HTR4: variants seen among roughly 807,000 people sequenced by gnomAD.
HTR4 encodes the protein 5-hydroxytryptamine (serotonin) receptor 4, G protein-coupled.
HTR4 carries 16 observed loss-of-function variants against 36.8 expected under a neutral mutation model. The observed-to-expected ratio is 0.43, with a 90% CI of 0.29 to 0.66. The LOEUF (loss-of-function observed/expected upper bound fraction) is 0.66. Ranked by LOEUF, HTR4 falls within the 30% of genes least tolerant of loss-of-function variation. The pLI, the probability that HTR4 is intolerant of heterozygous loss-of-function variation, is 0.13. For synonymous variants in HTR4, 189 were observed against 185.1 expected, an observed-to-expected ratio of 1.02 and a Z score of -0.17; for missense variants, 438 against 490.9, an observed-to-expected ratio of 0.89 and a Z score of 1.02.
intron 1 of HTR4, chr5:148,645,098 A>G (rs1753841876): frequency 6.6e-6 from 1 of 152,232 alleles, no homozygotes. Flanking sequence ...GAAAAATGTC[A>G]CACAGTTAAT....
chr5:148,465,727 A>G (rs1415665487), intron 5 of HTR4: 2 of 1,307,446 alleles, frequency 1.5e-6, no homozygotes, highest in African/African-American at 3.0e-5. Context: ...CTGTGCCAAC[A>G]ATTGTGCACC....
intron 5 of HTR4, 95 bp downstream of exon 5, chr5:148,523,098 T>C: frequency 8.3e-7 from 1 of 1,205,424 alleles, no homozygotes; most frequent in Non-Finnish European, 1.2e-6. Flanking sequence ...ACTATCAGAT[T>C]CTTAGAATAC....
chr5:148,520,886 C>CT (rs757511570), intron 5 of HTR4: 2 of 1,367,546 alleles, frequency 1.5e-6, no homozygotes, highest in Admixed American at 1.9e-5. Context: ...TCCGGCATTT[C>CT]TTTCAGAATC....
At chr5:148,484,406 T>C in intron 6 of HTR4, 2 of 1,597,424 alleles carry the variant, frequency 1.3e-6, no homozygotes, top group Non-Finnish European at 1.7e-6. Context: ...TTATTTGGCA[T>C]GAATTATTAT....
intron 4 of HTR4, among the ~76,000 whole-genome samples, chr5:148,542,265 C>T (rs1399345974): frequency 9.9e-5 from 15 of 152,220 alleles, no homozygotes; most frequent in Non-Finnish European, 1.8e-4. Context: ...TTTTAATATA[C>T]TTTCCTTGTG....
intron 2 of HTR4, among the ~76,000 whole-genome samples, chr5:148,594,562 G>A (rs1291963098): frequency 1.3e-5 from 2 of 152,086 alleles, no homozygotes; most frequent in African/African-American, 4.8e-5. Flanking sequence ...ACAGGTACAT[G>A]TGGGCCTCCC....
At chr5:148,582,035 T>C (rs1761155575) in intron 2 of HTR4, among the ~76,000 whole-genome samples, 1 of 152,020 alleles carries the variant, frequency 6.6e-6, no homozygotes, top group Admixed American at 6.6e-5. Flanking sequence ...TTCAAATGAG[T>C]CTTTCACCTC....
chr5:148,526,438 G>A (rs1481946833), intron 4 of HTR4, among the ~76,000 whole-genome samples: 1 of 152,124 alleles, frequency 6.6e-6, no homozygotes, highest in East Asian at 1.9e-4. Context: ...CCCTATCTTT[G>A]TTGTGTAATC....
In HTR4 at chr5:148,481,735, C is replaced by T; in HGVS notation, c.*1468G>A. On this transcript the variant is annotated 3_prime_UTR_variant, in exon 7 of 7. Transcript: ENST00000377888. ...GATGCTATTAAACCACAGCCAAGAT[C>T]AAAGTCAGAATCTCACATGGCTCTG... 7.0e-7 allele frequency: 1 copy of T among 1,432,336 alleles called. No homozygotes were observed. Among genetic ancestry groups the T allele is most frequent in the South Asian group, 1.6e-5 (1 of 62,892 alleles). The allele number at this position is 1,432,336 out of a possible 1,614,324, so 88.7% of individuals were successfully genotyped here.
At chr5:148,557,337 A>T (rs1759994157) in intron 2 of HTR4, among the ~76,000 whole-genome samples, 1 of 150,706 alleles carries the variant, frequency 6.6e-6, no homozygotes, top group Non-Finnish European at 1.5e-5. Flanking sequence ...TCCATGAGTG[A>T]GTGGGAAGAA....
At chr5:148,571,101 T>C (rs186161531) in intron 2 of HTR4, among the ~76,000 whole-genome samples, 2 of 152,214 alleles carry the variant, frequency 1.3e-5, no homozygotes, top group East Asian at 3.9e-4. Context: ...ACAGGCCACA[T>C]TCTCCATGAT....
At chr5:148,478,349 T>A (rs1006820754), downstream of HTR4, among the ~76,000 whole-genome samples, 3 of 151,972 alleles carry the variant, frequency 2.0e-5, no homozygotes, top group Admixed American at 2.0e-4. Context: ...AGTTTGGAGG[T>A]GGATTCTGCA....
intron 5 of HTR4, among the ~76,000 whole-genome samples, chr5:148,516,217 T>C (rs1182663562): frequency 6.6e-6 from 1 of 151,674 alleles, no homozygotes; most frequent in East Asian, 1.9e-4. Context: ...ACTACAGGTG[T>C]TCTCAGATAT....
At chr5:148,534,275 G>C (rs1010241237) in intron 4 of HTR4, among the ~76,000 whole-genome samples, 1 of 152,210 alleles carries the variant, frequency 6.6e-6, no homozygotes, top group African/African-American at 2.4e-5. Context: ...CAGAGTGAGG[G>C]GCAGGCTGCC....
intron 2 of HTR4, among the ~76,000 whole-genome samples, chr5:148,565,064 C>T (rs1760378282): frequency 6.7e-6 from 1 of 148,200 alleles, no homozygotes; most frequent in South Asian, 2.1e-4. Flanking sequence ...AAGCCAATAT[C>T]ACACCACTGC....
intron 2 of HTR4, among the ~76,000 whole-genome samples, chr5:148,555,630 A>G (rs1373099479): frequency 6.6e-6 from 1 of 152,166 alleles, no homozygotes; most frequent in Non-Finnish European, 1.5e-5. Flanking sequence ...GACAGCTTTC[A>G]TCTGGCTGAA....
intron 4 of HTR4, among the ~76,000 whole-genome samples, chr5:148,547,035 T>A (rs954799260): frequency 9.2e-5 from 14 of 152,182 alleles, no homozygotes; most frequent in Non-Finnish European, 1.6e-4. Context: ...TCATTATACA[T>A]GCATTTAACT....
chr5:148,511,379 TTTTA>T (rs1299492511), intron 5 of HTR4, among the ~76,000 whole-genome samples: 5 of 152,146 alleles, frequency 3.3e-5, no homozygotes, highest in Non-Finnish European at 7.4e-5. Flanking sequence ...CATAATGTAA[TTTTA>T]TTTGTTTTCC....
rs1166779594 is a variant in HTR4, at chr5:148,484,494, G to C, written c.1077-1201C>G. 14 of 992,610 alleles carry C rather than the reference G, an allele frequency of 1.4e-5. No individual in the cohort carries two copies. In the East Asian group the frequency reaches 3.0e-4, roughly 21 times the overall value. 61.5% of individuals were successfully genotyped at this position (992,610 alleles called of 1,614,324 possible). A position where few individuals can be genotyped will look rare whatever the true frequency, so the allele number is the denominator to read the frequency against. ...AGCTTTAGTGTTTCTTGAAAAATTG[G>C]GGCAATATTTACTATCTCCAGGCTT... On this transcript the variant is annotated intron_variant, in intron 6 of 6. Transcript: ENST00000377888.
Sources: gnomAD v4.1 joint callset for allele counts (sites outside exome capture counted in the v4.1 genomes callset) on GRCh38, gnomAD v4.1.1 for gene constraint, MANE v1.5 for transcripts, NCBI Gene and HGNC (gene_info 2026-07-23, HGNC 2026-07-21) for gene names.